Variants in APCDD1L observed in about 807,000 individuals in gnomAD.
APCDD1L encodes protein APCDD1-like.
APCDD1L carries 21 observed loss-of-function variants against 24.2 expected under a neutral mutation model. The ratio of observed to expected loss-of-function variants is 0.87; its 90% CI spans 0.61 to 1.25. The LOEUF (loss-of-function observed/expected upper bound fraction) is 1.25, where lower values mean the gene tolerates loss of function less well. APCDD1L is among the 50% of genes most tolerant of loss of function. The probability of loss-of-function intolerance (pLI) is 0.00; values close to 1 mark genes in which losing one functional copy is unlikely to be tolerated. For missense variants in APCDD1L, 704 were observed against 711.7 expected, an observed-to-expected ratio of 0.99 and a Z score of 0.12; for synonymous variants, 321 against 323.6, an observed-to-expected ratio of 0.99 and a Z score of 0.09.
intron 3 of APCDD1L, among the ~76,000 whole-genome samples, chr20:58,463,587 T>C (rs1989654481): frequency 6.6e-6 from 1 of 152,170 alleles, no homozygotes; most frequent in South Asian, 2.1e-4. Context: ...GCCCAGATTG[T>C]AGGCCAGAGC....
rs752961946 is a variant in APCDD1L at position 58,461,252 on chromosome 20, G to A, written c.1044C>T (p.Gly348=). The change falls in exon 4 of 4, where the codon GGC becomes GGT. Residue 348 remains glycine, a synonymous_variant. Transcript: ENST00000371149. This position sits in a 1 kb window ranked among gnomAD's most constrained non-coding sequence, Gnocchi z 6.0. ...RGTPSTRVRG[G]TELVFEVTRA... is the part of the protein sequence containing the mutation. ...GTGTGACCTCAAACACCAGCTCGGT[G>A]CCGCCGCGGACCCTGGTGGATGGCG... 6.2e-7 allele frequency: 1 copy of A among 1,613,456 alleles called. No individual in the cohort carries two copies. Among genetic ancestry groups the A allele is most frequent in the Non-Finnish European group, 8.5e-7 (1 of 1,179,830 alleles).
In APCDD1L at chr20:58,459,731, G is replaced by A. The variant is rs1415423062; in HGVS notation, c.*1059C>T. On this transcript the variant is annotated 3_prime_UTR_variant, in exon 4 of 4. Transcript: ENST00000371149. ...GGATTATGGCAAGGAGGCTGGGCAA[G>A]GCGGAGCTGCCTAGATGTCGCCATG... is the stretch of plus-strand genomic sequence containing the variant. 6.5e-6 allele frequency: 1 copy of A among 152,768 alleles called. No homozygotes were observed. The highest frequency in any genetic ancestry group is 1.5e-5 in the Non-Finnish European group (1 of 68,142). The allele number at this position is 152,768 out of a possible 1,614,324, so 9.5% of individuals were successfully genotyped here.
intron 3 of APCDD1L, among the ~76,000 whole-genome samples, chr20:58,465,764 G>C (rs893841185): frequency 6.6e-6 from 1 of 152,214 alleles, no homozygotes; most frequent in Non-Finnish European, 1.5e-5. Context: ...CTCTGACCTT[G>C]TATGACACTA....
At chr20:58,487,774 G>T (rs1309242099) in intron 1 of APCDD1L, among the ~76,000 whole-genome samples, 1 of 152,148 alleles carries the variant, frequency 6.6e-6, no homozygotes, top group Non-Finnish European at 1.5e-5. Context: ...GGCCATATCA[G>T]AACATACAAA....
chr20:58,468,907 CATGTT>C (rs1245554627), intron 2 of APCDD1L, among the ~76,000 whole-genome samples: 1 of 152,142 alleles, frequency 6.6e-6, no homozygotes, highest in African/African-American at 2.4e-5. Context: ...GCAGAGGAAA[CATGTT>C]ATCACCCAGC....
At chr20:58,492,063 C>T (rs1025631869) in intron 1 of APCDD1L, among the ~76,000 whole-genome samples, 5 of 152,000 alleles carry the variant, frequency 3.3e-5, no homozygotes, top group African/African-American at 9.7e-5. Flanking sequence ...TTCCAATGGG[C>T]GGGGGGAGGA....
intron 1 of APCDD1L, among the ~76,000 whole-genome samples, chr20:58,511,301 A>C (rs118034170): frequency 6.6e-6 from 1 of 152,320 alleles, no homozygotes; most frequent in Non-Finnish European, 1.5e-5. Flanking sequence ...TCAAGCTCAA[A>C]CCAATTTTAA....
intron 1 of APCDD1L, among the ~76,000 whole-genome samples, chr20:58,496,305 G>A (rs1990320405): frequency 6.6e-6 from 1 of 152,256 alleles, no homozygotes; most frequent in Admixed American, 6.5e-5. Flanking sequence ...GGGGGCACCT[G>A]CTGTGCTTGC....
At chr20:58,500,996 A>G (rs963527192) in intron 1 of APCDD1L, among the ~76,000 whole-genome samples, 1 of 152,012 alleles carries the variant, frequency 6.6e-6, no homozygotes, top group Admixed American at 6.6e-5. Flanking sequence ...CAGGTACCCC[A>G]CAGTGTGACA....
At position 58,467,799 on chromosome 20, in the gene APCDD1L, T is replaced by C. The variant is rs1989747065; in HGVS notation, c.189-141A>G. On this transcript the variant is annotated intron_variant, in intron 2 of 3. Transcript: ENST00000371149. This position sits in a 1 kb window ranked among gnomAD's most constrained non-coding sequence, Gnocchi z 5.9. Reference sequence around the variant, plus strand: ...AGGCCTGGGCCCCTCCAGCCTCAGTTCCCCTCACTGCTCGCAGTCAGGCAC... The same window carrying C: ...AGGCCTGGGCCCCTCCAGCCTCAGTCCCCCTCACTGCTCGCAGTCAGGCAC... The C allele has an allele frequency of 1.8e-5, 15 of 843,408 alleles. No individual in the cohort carries two copies. Among genetic ancestry groups the C allele is most frequent in the Admixed American group, 4.2e-5 (1 of 23,560 alleles). 52.2% of individuals were successfully genotyped at this position (843,408 alleles called of 1,614,324 possible). A position where few individuals can be genotyped will look rare whatever the true frequency, so the allele number is the denominator to read the frequency against.
In APCDD1L at chr20:58,508,920, G is replaced by A. The variant is rs1437545278; in HGVS notation, c.49+5739C>T. Among the ~76,000 whole-genome samples the A allele has an allele frequency of 2.0e-5, 3 of 152,080 alleles. No individual in the cohort carries two copies. The highest frequency in any genetic ancestry group is 7.2e-5 in the African/African-American group (3 of 41,426). ...AAAGACTGTGTGCACATGCGTGAGT[G>A]TGCATGAGTGTGCGTGAGTGTGTGT... On this transcript the variant is annotated intron_variant, in intron 1 of 3. Coordinates refer to ENST00000371149, the MANE Select transcript of APCDD1L (RefSeq NM_153360.3). This position sits in a 1 kb window ranked among gnomAD's most constrained non-coding sequence, Gnocchi z 4.0.
chr20:58,470,981 A>G (rs1406907585), intron 1 of APCDD1L, among the ~76,000 whole-genome samples: 1 of 152,104 alleles, frequency 6.6e-6, no homozygotes, highest in African/African-American at 2.4e-5. Context: ...AGATGTGATC[A>G]CCCTAGAATC....
chr20:58,499,160 TC>T lies in APCDD1L; in HGVS notation c.49+15498del, dbSNP rs1243382287. On this transcript the variant is annotated intron_variant, in intron 1 of 3. Coordinates refer to ENST00000371149, the MANE Select transcript of APCDD1L (RefSeq NM_153360.3). ...TCTGCCTCATCCCTAGGTGTGACCT[TC>T]ATCGGCATGGTCCAGCTGAGCTCAC... 2.6e-5 allele frequency among the ~76,000 whole-genome samples: 4 copies of T among 152,308 alleles called. 1 individual carries two copies. Among genetic ancestry groups the T allele is most frequent in the Non-Finnish European group, 5.9e-5 (4 of 68,024 alleles).
chr20:58,484,685 G>A (rs1990087340), intron 1 of APCDD1L, among the ~76,000 whole-genome samples: 1 of 152,204 alleles, frequency 6.6e-6, no homozygotes, highest in African/African-American at 2.4e-5. Context: ...TAGAGATGAT[G>A]CAGGGGCAGA....
At position 58,467,768 on chromosome 20, in the gene APCDD1L, C is replaced by T; in HGVS notation, c.189-110G>A. On this transcript the variant is annotated intron_variant, in intron 2 of 3. Transcript: ENST00000371149. This position sits in a 1 kb window ranked among gnomAD's most constrained non-coding sequence, Gnocchi z 5.9. ...CCCCCCCAGCCCTCCTCTTAGTCCT[C>T]AGCTCAGGCCTGGGCCCCTCCAGCC... 3 of 1,145,334 alleles carry T rather than the reference C, an allele frequency of 2.6e-6. No homozygotes were observed. Among genetic ancestry groups the T allele is most frequent in the Non-Finnish European group, 3.4e-6 (3 of 869,640 alleles). The allele number at this position is 1,145,334 out of a possible 1,614,324, so 70.9% of individuals were successfully genotyped here.
chr20:58,462,512 A>G (rs1989627833), intron 3 of APCDD1L, among the ~76,000 whole-genome samples: 1 of 152,150 alleles, frequency 6.6e-6, no homozygotes, highest in Non-Finnish European at 1.5e-5. Context: ...TACCTACCCC[A>G]TGGAAAGTGG....
intron 1 of APCDD1L, among the ~76,000 whole-genome samples, chr20:58,489,806 G>A (rs1338154769): frequency 6.6e-6 from 1 of 152,170 alleles, no homozygotes; most frequent in East Asian, 1.9e-4. Flanking sequence ...GGCAGATCTA[G>A]GTTTTGTGGA....
rs747130919 is a variant in APCDD1L, at chr20:58,461,063, G to A, written c.1233C>T (p.Tyr411=). Residue 411 remains tyrosine (Y), a synonymous_variant, in exon 4 of 4, where the codon TAC becomes TAT. Coordinates refer to ENST00000371149, the MANE Select transcript of APCDD1L (RefSeq NM_153360.3). This position sits in a 1 kb window ranked among gnomAD's most constrained non-coding sequence, Gnocchi z 6.0. ...GGTCTTGTTCCATCTTGAAAAGCTC[G>A]TACTCCACATGCGGGAGCCGGATGC... ...PLGIRLPHVE[Y]ELFKMEQDPL... 4.2e-5 allele frequency: 68 copies of A among 1,613,976 alleles called. No individual in the cohort carries two copies. The highest frequency in any genetic ancestry group is 8.9e-5 in the East Asian group (4 of 44,884).
intron 1 of APCDD1L, among the ~76,000 whole-genome samples, chr20:58,488,035 C>T (rs115936423): frequency 7.9e-5 from 12 of 152,158 alleles, no homozygotes; most frequent in African/African-American, 2.6e-4. Context: ...CCCCCATGTG[C>T]GGTTTTGCTT....
Sources: allele counts gnomAD v4.1 joint callset (sites outside exome capture counted in the v4.1 genomes callset), GRCh38; gene constraint gnomAD v4.1.1; non-coding constraint Gnocchi (gnomAD v3.1); transcripts MANE v1.5; gene names NCBI Gene and HGNC (gene_info 2026-07-23, HGNC 2026-07-21).